Variants in SRBD1 observed in about 807,000 individuals in gnomAD.
SRBD1 encodes S1 RNA binding domain 1.
In SRBD1, 88 loss-of-function variants were observed where a neutral mutation model predicts 115.3. That is an observed-to-expected ratio of 0.76 (90% confidence interval 0.64 to 0.91). The LOEUF is 0.91. Among genes scored for constraint, SRBD1 ranks in the 40% least tolerant of loss-of-function variants. SRBD1 has a pLI of 0.00. For synonymous variants in SRBD1, 509 were observed against 407.7 expected, an observed-to-expected ratio of 1.25 and a Z score of -2.99; for missense variants, 1,385 against 1,177.4, an observed-to-expected ratio of 1.18 and a Z score of -2.58.
chr2:45,396,472 C>A (rs1474727129), intron 19 of SRBD1, among the ~76,000 whole-genome samples: 1 of 152,122 alleles, frequency 6.6e-6, no homozygotes, highest in Non-Finnish European at 1.5e-5. Context: ...GTAAGGACTG[C>A]TGTTTTTATT....
chr2:45,451,966 G>T (rs1408326172), intron 16 of SRBD1, among the ~76,000 whole-genome samples: 1 of 151,578 alleles, frequency 6.6e-6, no homozygotes, highest in East Asian at 1.9e-4. Context: ...TAAAATTTTG[G>T]GGGATCCCAC....
chr2:45,484,298 T>C (rs1321894017), intron 15 of SRBD1, among the ~76,000 whole-genome samples: 1 of 152,190 alleles, frequency 6.6e-6, no homozygotes, highest in African/African-American at 2.4e-5. Context: ...CATTTCTTTG[T>C]GGTACCTCTA....
intron 16 of SRBD1, among the ~76,000 whole-genome samples, chr2:45,454,689 G>C (rs970666161): frequency 2.6e-5 from 4 of 151,824 alleles, no homozygotes; most frequent in African/African-American, 9.7e-5. Context: ...TCTGCTCTAA[G>C]TTCCTCAGAG....
At chr2:45,429,495 C>T (rs890808882) in intron 16 of SRBD1, among the ~76,000 whole-genome samples, 1 of 151,846 alleles carries the variant, frequency 6.6e-6, no homozygotes, top group African/African-American at 2.4e-5. Context: ...TCAACATACA[C>T]AAATTACTAA....
intron 15 of SRBD1, among the ~76,000 whole-genome samples, chr2:45,487,601 T>C (rs988317404): frequency 6.6e-6 from 1 of 152,140 alleles, no homozygotes; most frequent in Non-Finnish European, 1.5e-5. Context: ...AAAGCTTCAA[T>C]AATATTTTGT....
intron 14 of SRBD1, among the ~76,000 whole-genome samples, chr2:45,536,132 C>T (rs1469547463): frequency 6.6e-6 from 1 of 151,758 alleles, no homozygotes; most frequent in African/African-American, 2.4e-5. Flanking sequence ...ACTGAGAACA[C>T]AACAGAATAT....
chr2:45,414,680 G>A (rs559376676), intron 18 of SRBD1, among the ~76,000 whole-genome samples: 31 of 148,940 alleles, frequency 2.1e-4, no homozygotes, highest in African/African-American at 7.2e-4. Flanking sequence ...TATATAGTAT[G>A]TATATACACA....
intron 13 of SRBD1, among the ~76,000 whole-genome samples, chr2:45,547,186 A>G (rs1168826474): frequency 6.6e-6 from 1 of 152,232 alleles, no homozygotes; most frequent in African/African-American, 2.4e-5. Context: ...ATTATATAAT[A>G]TATTGTCAAT....
chr2:45,550,013 T>A (rs1377962951), intron 12 of SRBD1, among the ~76,000 whole-genome samples: 1 of 151,874 alleles, frequency 6.6e-6, no homozygotes. Flanking sequence ...TAGTAAAGGC[T>A]AATAGAAAAT....
chr2:45,430,262 T>C (rs1316216377), intron 16 of SRBD1, among the ~76,000 whole-genome samples: 1 of 152,178 alleles, frequency 6.6e-6, no homozygotes, highest in Non-Finnish European at 1.5e-5. Context: ...AAGCTACCAC[T>C]GACTTTCTTC....
At chr2:45,492,231 A>T (rs1170617247) in intron 14 of SRBD1, among the ~76,000 whole-genome samples, 1 of 152,266 alleles carries the variant, frequency 6.6e-6, no homozygotes, top group Non-Finnish European at 1.5e-5. Context: ...TTTAAATAAC[A>T]GAATTGATAT....
intron 18 of SRBD1, 139 bp downstream of exon 18, chr2:45,418,226 G>C (rs1320893410): frequency 2.1e-6 from 2 of 943,502 alleles, no homozygotes; most frequent in Non-Finnish European, 3.1e-6. Context: ...GCCTACCAAA[G>C]GACAGTCACT....
chr2:45,508,188 A>G (rs1670855004), intron 14 of SRBD1, among the ~76,000 whole-genome samples: 1 of 152,220 alleles, frequency 6.6e-6, no homozygotes, highest in South Asian at 2.1e-4. Flanking sequence ...AATTAGAAGA[A>G]AGCTAAAGCT....
chr2:45,389,000 G>T lies in SRBD1; in HGVS notation c.*310C>A. On this transcript the variant is annotated 3_prime_UTR_variant, in exon 21 of 21. Coordinates refer to ENST00000263736, the MANE Select transcript of SRBD1 (RefSeq NM_018079.5). ...TTGGCAAGTAGAAGTTAAGCAATCT[G>T]TTATACAAAATGCAAAAGGAGTTAA... is the stretch of plus-strand genomic sequence containing the variant. 3.5e-6 allele frequency: 1 copy of T among 286,624 alleles called. No homozygotes were observed. Among genetic ancestry groups the T allele is most frequent in the Middle Eastern group, 1.1e-3 (1 of 870 alleles). The allele number at this position is 286,624 out of a possible 1,614,324, so 17.8% of individuals were successfully genotyped here. A position where few individuals can be genotyped will look rare whatever the true frequency, so the allele number is the denominator to read the frequency against.
intron 16 of SRBD1, among the ~76,000 whole-genome samples, chr2:45,435,644 A>T (rs1668473366): frequency 6.6e-6 from 1 of 151,754 alleles, no homozygotes; most frequent in East Asian, 1.9e-4. Flanking sequence ...AAGCTGGGAG[A>T]CATAGGACGT....
chr2:45,511,091 A>G (rs1045974866), intron 14 of SRBD1, among the ~76,000 whole-genome samples: 1 of 152,224 alleles, frequency 6.6e-6, no homozygotes, highest in African/African-American at 2.4e-5. Context: ...AGGTCAGTGC[A>G]CCCATCCCTT....
At chr2:45,488,770 G>A (rs574099105) in intron 14 of SRBD1, among the ~76,000 whole-genome samples, 73 of 151,964 alleles carry the variant, frequency 4.8e-4, no homozygotes, top group South Asian at 1.0e-3. Context: ...GGACATATGT[G>A]TGGATATGTG....
chr2:45,473,495 A>G (rs953231821), intron 16 of SRBD1, among the ~76,000 whole-genome samples: 9 of 152,116 alleles, frequency 5.9e-5, no homozygotes, highest in South Asian at 4.1e-4. Context: ...ACTTCCATCA[A>G]TTCTTTCAAA....
chr2:45,486,659 G>A (rs538302056), intron 15 of SRBD1, among the ~76,000 whole-genome samples: 15 of 151,972 alleles, frequency 9.9e-5, no homozygotes, highest in Admixed American at 3.3e-4. Context: ...CATGAACCCC[G>A]GAGGGAGAGC....
Sources: gnomAD v4.1 joint callset for allele counts (sites outside exome capture counted in the v4.1 genomes callset) on GRCh38, gnomAD v4.1.1 for gene constraint, MANE v1.5 for transcripts, NCBI Gene and HGNC (gene_info 2026-07-23, HGNC 2026-07-21) for gene names.